The following SNX2 variants were observed in gnomAD, a reference collection of about 807,000 sequenced individuals.
The protein encoded by SNX2 is sorting nexin-2.
In SNX2, 25 loss-of-function variants were observed where a neutral mutation model predicts 69.9. That is an observed-to-expected ratio of 0.36 (90% CI 0.26 to 0.50). The LOEUF (loss-of-function observed/expected upper bound fraction) is 0.50, where lower values mean the gene tolerates loss of function less well. Ranked by LOEUF, SNX2 falls within the 20% of genes least tolerant of loss-of-function variation. The probability of loss-of-function intolerance (pLI) is 0.97; values close to 1 mark genes in which losing one functional copy is unlikely to be tolerated. For missense variants in SNX2, 551 were observed against 613.3 expected, an observed-to-expected ratio of 0.90 and a Z score of 1.07; for synonymous variants, 229 against 200.4, an observed-to-expected ratio of 1.14 and a Z score of -1.20.
intron 7 of SNX2, among the ~76,000 whole-genome samples, chr5:122,811,882 GTTCAT>G (rs1252216277): frequency 6.8e-6 from 1 of 146,556 alleles, no homozygotes; most frequent in Non-Finnish European, 1.5e-5. Flanking sequence ...TCAGGATTGT[GTTCAT>G]TTCAAGCATC....
Position 122,799,855 on chromosome 5 carries a change from G to C in SNX2, c.390G>C (p.Glu130Asp). 1.2e-6 allele frequency: 2 copies of C among 1,605,722 alleles called. No homozygotes were observed. Among genetic ancestry groups the C allele is most frequent in the Non-Finnish European group, 1.7e-6 (2 of 1,175,508 alleles). ...TGATCTTTGATAGATCCAGGGAAGA[G>C]GTACAGGAAAATGTATTCTAAATTA... ...APVIFDRSREEIEEEANGDIF... is the reference protein window; with the variant it reads ...APVIFDRSREDIEEEANGDIF... The change falls in exon 3 of 15, where the codon GAG becomes GAC. Residue 130 changes from glutamate (E) to aspartate (D), a missense_variant and splice_region_variant. Glu to Asp is a conservative substitution (Grantham distance 45). This residue lies in a region of SNX2 where 191 missense variants were observed against 162.9 expected (regional missense o/e 1.17). Coordinates refer to ENST00000379516, the MANE Select transcript of SNX2 (RefSeq NM_003100.4).
chr5:122,783,447 A>C (rs1398586695), intron 1 of SNX2, among the ~76,000 whole-genome samples: 1 of 152,202 alleles, frequency 6.6e-6, no homozygotes, highest in East Asian at 1.9e-4. Flanking sequence ...TTTACATTGT[A>C]CATTTAGGAT....
chr5:122,790,421 G>A (rs1379780600), intron 1 of SNX2, among the ~76,000 whole-genome samples: 1 of 151,968 alleles, frequency 6.6e-6, no homozygotes, highest in Non-Finnish European at 1.5e-5. Flanking sequence ...GTGCCTGGCC[G>A]AGGAGGATCC....
chr5:122,779,079 G>T (rs550622428), intron 1 of SNX2, among the ~76,000 whole-genome samples: 1 of 152,212 alleles, frequency 6.6e-6, no homozygotes, highest in Admixed American at 6.5e-5. Flanking sequence ...GTTTTGCATG[G>T]AGTAGTAGAT....
intron 4 of SNX2, 23 bp from the exon 5 acceptor site, chr5:122,802,055 ATAG>A (rs758205382): frequency 1.2e-6 from 2 of 1,603,594 alleles, no homozygotes; most frequent in African/African-American, 1.3e-5. Context: ...TGTGATTTTA[ATAG>A]TAGTGTTTGA....
At chr5:122,816,436 C>T (rs189074334) in intron 8 of SNX2, among the ~76,000 whole-genome samples, 90 of 152,170 alleles carry the variant, frequency 5.9e-4, no homozygotes, top group Non-Finnish European at 1.1e-3. Flanking sequence ...ATTTTTGGCT[C>T]CTAAGAGCAA....
At chr5:122,781,863 T>C (rs1178619994) in intron 1 of SNX2, among the ~76,000 whole-genome samples, 1 of 151,992 alleles carries the variant, frequency 6.6e-6, no homozygotes. Context: ...TTTTTATTAA[T>C]GTTATAAATA....
chr5:122,803,394 T>C, intron 5 of SNX2, 78 bp from the exon 6 acceptor site: 1 of 1,380,294 alleles, frequency 7.2e-7, no homozygotes, highest in East Asian at 2.3e-5. Flanking sequence ...ATGTATGTGT[T>C]CACAATTATG....
At chr5:122,791,900 C>A (rs1210691229) in intron 1 of SNX2, among the ~76,000 whole-genome samples, 1 of 152,128 alleles carries the variant, frequency 6.6e-6, no homozygotes, top group Non-Finnish European at 1.5e-5. Context: ...AGCGTGCAGT[C>A]TATAAAACAG....
chr5:122,827,696 T>G, intron 14 of SNX2, 50 bp downstream of exon 14: 1 of 1,306,108 alleles, frequency 7.7e-7, no homozygotes, highest in Non-Finnish European at 1.1e-6. Flanking sequence ...GTTTTTGGTA[T>G]ACTTTCTTAT....
At chr5:122,803,336 A>T (rs1425002975) in intron 5 of SNX2, 136 bp from the exon 6 acceptor site, 1 of 736,370 alleles carries the variant, frequency 1.4e-6, no homozygotes, top group Non-Finnish European at 2.1e-6. Flanking sequence ...TTAGAAACCT[A>T]TATACCACAT....
rs142711818 is a variant in SNX2, at chr5:122,801,899, G to T, written c.421G>T (p.Asp141Tyr). 26 of 1,601,864 alleles carry T rather than the reference G, an allele frequency of 1.6e-5. No individual in the cohort carries two copies. The highest frequency in any genetic ancestry group is 2.7e-5 in the African/African-American group (2 of 74,566). The change falls in exon 4 of 15, where the codon GAC becomes TAC. Residue 141 changes from aspartate to tyrosine, a missense_variant. Coordinates refer to ENST00000379516, the MANE Select transcript of SNX2 (RefSeq NM_003100.4). Reference sequence around the variant, plus strand: ...AGAAGAAGCAAATGGAGACATTTTTGACATAGAAATTGGTGTATCAGATCC... The same window carrying T: ...AGAAGAAGCAAATGGAGACATTTTTTACATAGAAATTGGTGTATCAGATCC... ...IEEEANGDIF[D>Y]IEIGVSDPEK...
intron 7 of SNX2, 84 bp from the exon 8 acceptor site, chr5:122,815,812 C>T: frequency 1.7e-5 from 11 of 654,052 alleles, no homozygotes; most frequent in Admixed American, 1.2e-4. Context: ...CTTTTTTTTC[C>T]TAGTATTTCT....
rs185336429 is a variant in SNX2 at position 122,833,204 on chromosome 5, T to C, written c.*3556T>C. On this transcript the variant is annotated 3_prime_UTR_variant, in exon 15 of 15. Coordinates refer to ENST00000379516, the MANE Select transcript of SNX2 (RefSeq NM_003100.4). ...TGAAGGATTTGGTTTCATGTAACAA[T>C]GAAAGTAGATAATGGGTCAGACATG... 1 of 152,050 alleles carries C rather than the reference T, an allele frequency of 6.6e-6. No individual in the cohort carries two copies. The highest frequency in any genetic ancestry group is 2.4e-5 in the African/African-American group (1 of 41,394). 9.4% of individuals were successfully genotyped at this position (152,050 alleles called of 1,614,324 possible).
intron 2 of SNX2, among the ~76,000 whole-genome samples, chr5:122,798,889 C>T (rs946915146): frequency 1.3e-5 from 2 of 152,142 alleles, no homozygotes; most frequent in Non-Finnish European, 2.9e-5. Flanking sequence ...TGTCTTGTAA[C>T]ATTCTTTTCA....
chr5:122,796,461 C>T (rs1190615162), intron 2 of SNX2, among the ~76,000 whole-genome samples: 3 of 145,122 alleles, frequency 2.1e-5, no homozygotes, highest in African/African-American at 5.0e-5. Flanking sequence ...TACCAAATAC[C>T]AATCATCTTC....
At position 122,822,858 on chromosome 5, in the gene SNX2, A is replaced by G. The variant is rs575151891; in HGVS notation, c.1213-3192A>G. Reference sequence around the variant, plus strand: ...ATTTTTGTAGGGGATCCCAATTTATAAAACATACTAAAAAAATGTATTTAA... The same window carrying G: ...ATTTTTGTAGGGGATCCCAATTTATGAAACATACTAAAAAAATGTATTTAA... On this transcript the variant is annotated intron_variant, in intron 11 of 14. Transcript: ENST00000379516. Among the ~76,000 whole-genome samples, 143 of 152,348 alleles carry G rather than the reference A, an allele frequency of 9.4e-4. 1 individual carries two copies. The highest frequency in any genetic ancestry group is 3.2e-3 in the African/African-American group (133 of 41,570).
At chr5:122,793,155 A>G (rs1444694063) in intron 1 of SNX2, among the ~76,000 whole-genome samples, 1 of 152,236 alleles carries the variant, frequency 6.6e-6, no homozygotes, top group African/African-American at 2.4e-5. Context: ...TGTTCACTAA[A>G]AGATGAACTA....
intron 8 of SNX2, among the ~76,000 whole-genome samples, chr5:122,816,256 T>C (rs1359121787): frequency 6.6e-6 from 1 of 152,008 alleles, no homozygotes; most frequent in Admixed American, 6.6e-5. Context: ...TCCTCAGGCA[T>C]CATGTTGAAA....
Sources: allele counts gnomAD v4.1 joint callset (sites outside exome capture counted in the v4.1 genomes callset), GRCh38; gene constraint gnomAD v4.1.1; regional missense constraint gnomAD v4.1.1; transcripts MANE v1.5; gene names NCBI Gene and HGNC (gene_info 2026-07-23, HGNC 2026-07-21).